The following ENPP6 variants were observed in gnomAD, a reference collection of about 807,000 sequenced individuals.
ENPP6 encodes the protein ectonucleotide pyrophosphatase/phosphodiesterase 6, also known as glycerophosphocholine cholinephosphodiesterase ENPP6.
Under a neutral mutation model 42.0 loss-of-function variants are expected in ENPP6, and 32 were observed. That is an observed-to-expected ratio of 0.76 (90% CI 0.58 to 1.02). The LOEUF is 1.02. ENPP6 is among the 50% of genes least tolerant of loss of function. The probability of loss-of-function intolerance (pLI) is 0.00; values close to 1 mark genes in which losing one functional copy is unlikely to be tolerated. For missense variants in ENPP6, 552 were observed against 566.8 expected, an observed-to-expected ratio of 0.97 and a Z score of 0.27; for synonymous variants, 213 against 216.0, an observed-to-expected ratio of 0.99 and a Z score of 0.12.
rs1049342004 is a variant in ENPP6, at chr4:184,184,191, G to A, written c.242-30458C>T. Among the ~76,000 whole-genome samples the A allele has an allele frequency of 6.6e-6, 1 of 152,194 alleles. No homozygotes were observed. Among genetic ancestry groups the A allele is most frequent in the East Asian group, 1.9e-4 (1 of 5,200 alleles). ...ATCTTAACTACCGCAGTCACTGTGA[G>A]AGTCAGCAGAAACGACAACCACAGA... On this transcript the variant is annotated intron_variant, in intron 1 of 7. Transcript: ENST00000296741. This position sits in a 1 kb window ranked among gnomAD's most constrained non-coding sequence, Gnocchi z 4.7.
intron 3 of ENPP6, among the ~76,000 whole-genome samples, chr4:184,119,654 C>G (rs1397532769): frequency 6.6e-6 from 1 of 152,114 alleles, no homozygotes; most frequent in Non-Finnish European, 1.5e-5. Flanking sequence ...TGTCCCCACC[C>G]AAATCTCATC....
intron 2 of ENPP6, among the ~76,000 whole-genome samples, chr4:184,140,071 C>T (rs1410925775): frequency 6.7e-6 from 1 of 150,008 alleles, no homozygotes; most frequent in Non-Finnish European, 1.5e-5. Context: ...GAGATGGTAT[C>T]TCATTGTGGT....
At chr4:184,208,466 G>C (rs1733039011) in intron 1 of ENPP6, among the ~76,000 whole-genome samples, 4 of 152,206 alleles carry the variant, frequency 2.6e-5, no homozygotes, top group Admixed American at 2.6e-4. Context: ...CCGAGTCAAA[G>C]AAAGGGGTGA....
At chr4:184,126,943 T>C (rs1391374967) in intron 2 of ENPP6, among the ~76,000 whole-genome samples, 1 of 152,112 alleles carries the variant, frequency 6.6e-6, no homozygotes, top group African/African-American at 2.4e-5. Flanking sequence ...ATGTCCAACA[T>C]ACAATAAAAA....
chr4:184,137,421 C>T (rs1257788006), intron 2 of ENPP6, among the ~76,000 whole-genome samples: 1 of 152,146 alleles, frequency 6.6e-6, no homozygotes, highest in Non-Finnish European at 1.5e-5. Flanking sequence ...GTCTATTCTG[C>T]TTTTTTTCTC....
intron 1 of ENPP6, among the ~76,000 whole-genome samples, chr4:184,188,182 G>T (rs1046302628): frequency 9.2e-5 from 14 of 152,158 alleles, no homozygotes; most frequent in African/African-American, 3.1e-4. Flanking sequence ...AAACCCAGGG[G>T]TGTTTTGTTT....
chr4:184,121,054 G>C lies in ENPP6; in HGVS notation c.533+3107C>G, dbSNP rs527751535. Among the ~76,000 whole-genome samples the C allele has an allele frequency of 5.9e-5, 9 of 152,282 alleles. No individual in the cohort carries two copies. The South Asian group carries it at 1.9e-3, about 32-fold the overall frequency. ...GTATTTAACCTTCAGAGAGCCAGTG[G>C]CCTCTTTTGTAAGGTGGGGAGAGCA... is the stretch of plus-strand genomic sequence containing the variant. On this transcript the variant is annotated intron_variant, in intron 3 of 7. Transcript: ENST00000296741.
At chr4:184,156,306 C>A (rs1737158154) in intron 1 of ENPP6, among the ~76,000 whole-genome samples, 1 of 152,154 alleles carries the variant, frequency 6.6e-6, no homozygotes, top group South Asian at 2.1e-4. Context: ...GCAGTCTGTG[C>A]TTGGAACAGT....
intron 2 of ENPP6, among the ~76,000 whole-genome samples, chr4:184,148,107 T>C (rs1362810135): frequency 6.6e-6 from 1 of 152,234 alleles, no homozygotes; most frequent in Non-Finnish European, 1.5e-5. Flanking sequence ...ACTGTACTTT[T>C]ACATTTATTT....
At chr4:184,143,948 A>C (rs545612763) in intron 2 of ENPP6, among the ~76,000 whole-genome samples, 1 of 152,208 alleles carries the variant, frequency 6.6e-6, no homozygotes, top group Non-Finnish European at 1.5e-5. Context: ...GGTGAGGCAA[A>C]AGTGCCACCT....
At chr4:184,211,299 G>T (rs987300968) in intron 1 of ENPP6, among the ~76,000 whole-genome samples, 1 of 152,096 alleles carries the variant, frequency 6.6e-6, no homozygotes, top group Non-Finnish European at 1.5e-5. Flanking sequence ...GAATCCAGGA[G>T]CTGGTTTTTT....
chr4:184,143,813 C>T (rs1293794313), intron 2 of ENPP6, among the ~76,000 whole-genome samples: 1 of 152,182 alleles, frequency 6.6e-6, no homozygotes, highest in Non-Finnish European at 1.5e-5. Flanking sequence ...CATGTTCTGG[C>T]TTTTTAAAAA....
intron 2 of ENPP6, among the ~76,000 whole-genome samples, chr4:184,135,833 A>C (rs1736722731): frequency 6.6e-6 from 1 of 152,224 alleles, no homozygotes; most frequent in Admixed American, 6.5e-5. Flanking sequence ...CCCAAGGGTG[A>C]ATACTGTTCT....
chr4:184,196,209 C>G (rs568356591), intron 1 of ENPP6, among the ~76,000 whole-genome samples: 22 of 152,226 alleles, frequency 1.4e-4, no homozygotes, highest in Non-Finnish European at 2.2e-4. Context: ...AGGCTTTACT[C>G]AAATAACTGT....
intron 1 of ENPP6, among the ~76,000 whole-genome samples, chr4:184,198,119 TA>T (rs1732832502): frequency 6.6e-6 from 1 of 152,194 alleles, no homozygotes. Context: ...GGCAGTTTGT[TA>T]GAAAAGAGTG....
At chr4:184,107,786 G>A (rs1272688350) in intron 6 of ENPP6, among the ~76,000 whole-genome samples, 2 of 151,838 alleles carry the variant, frequency 1.3e-5, no homozygotes, top group Admixed American at 1.3e-4. Flanking sequence ...GTGGTGGCGG[G>A]CGCCTGTTGT....
At chr4:184,166,868 A>G (rs918799608) in intron 1 of ENPP6, among the ~76,000 whole-genome samples, 1 of 152,218 alleles carries the variant, frequency 6.6e-6, no homozygotes, top group Non-Finnish European at 1.5e-5. Context: ...CTCCCCAGTG[A>G]CCAGGTTGGC....
At position 184,214,375 on chromosome 4, in the gene ENPP6, T is replaced by C. The variant is rs1178189605; in HGVS notation, c.241+3204A>G. On this transcript the variant is annotated intron_variant, in intron 1 of 7. Transcript: ENST00000296741. ...TTTGAGGCAAATAAATAATCAGCCA[T>C]GGTGGCTTCATGGCAGCAACTGGGC... Among the ~76,000 whole-genome samples, 4 of 152,212 alleles carry C rather than the reference T, an allele frequency of 2.6e-5. No individual in the cohort carries two copies. In the East Asian group the frequency reaches 7.7e-4, roughly 29 times the overall value.
intron 2 of ENPP6, among the ~76,000 whole-genome samples, chr4:184,131,336 T>C: frequency 7.1e-6 from 1 of 141,556 alleles, no homozygotes; most frequent in East Asian, 2.0e-4. Flanking sequence ...TCTTTCTTCT[T>C]TCTTTCTTTC....
Sources: allele counts gnomAD v4.1 joint callset (sites outside exome capture counted in the v4.1 genomes callset), GRCh38; gene constraint gnomAD v4.1.1; non-coding constraint Gnocchi (gnomAD v3.1); transcripts MANE v1.5; gene names NCBI Gene and HGNC (gene_info 2026-07-23, HGNC 2026-07-21).